Variants in CNTNAP3B observed in about 807,000 individuals in gnomAD.
The protein encoded by CNTNAP3B is contactin associated protein family member 3B.
CNTNAP3B carries 25 observed loss-of-function variants against 108.9 expected under a neutral mutation model. The observed-to-expected ratio is 0.23, with a 90% CI of 0.17 to 0.32. The LOEUF (loss-of-function observed/expected upper bound fraction) is 0.32, where lower values mean the gene tolerates loss of function less well. Ranked by LOEUF, CNTNAP3B falls within the 10% of genes least tolerant of loss-of-function variation. The probability of loss-of-function intolerance (pLI) is 1.00; values close to 1 mark genes in which losing one functional copy is unlikely to be tolerated. For synonymous variants in CNTNAP3B, 103 were observed against 473.4 expected (o/e 0.22, Z 10.16); for missense variants, 252 against 1,210.4 (o/e 0.21, Z 11.75).
chr9:42,080,603 C>T (rs1224376803), intron 2 of CNTNAP3B, among the ~76,000 whole-genome samples: 2 of 131,952 alleles, frequency 1.5e-5, no homozygotes, highest in African/African-American at 6.1e-5. Flanking sequence ...TGGCTGACTC[C>T]ACCCCCAACT....
rs557005665 is a variant in CNTNAP3B at position 42,095,317 on chromosome 9, A to G, written c.196+9312T>C. On this transcript the variant is annotated intron_variant, in intron 2 of 23. Coordinates refer to ENST00000377561, the MANE Select transcript of CNTNAP3B (RefSeq NM_001201380.3). ...TATTTCACTTAACATAATGTCCTCCAGGTTCATCCATGTTATCACAAGTGT... is the reference window on the plus strand; with the variant it reads ...TATTTCACTTAACATAATGTCCTCCGGGTTCATCCATGTTATCACAAGTGT... Among the ~76,000 whole-genome samples, 161 of 138,046 alleles carry G rather than the reference A, an allele frequency of 1.2e-3. 43 individuals carry two copies. Among genetic ancestry groups the G allele is most frequent in the African/African-American group, 4.3e-3 (149 of 34,430 alleles). The allele number at this position is 138,046 out of a possible 152,430, so 90.6% of individuals were successfully genotyped here.
In CNTNAP3B at chr9:42,087,113, T is replaced by C. The variant is rs937483635; in HGVS notation, c.197-10051A>G. Reference sequence around the variant, plus strand: ...TCTTTTCTTAATTTGATAATCAGATTGTTACTACTACATAAAAAAGAATTG... The same window carrying C: ...TCTTTTCTTAATTTGATAATCAGATCGTTACTACTACATAAAAAAGAATTG... On this transcript the variant is annotated intron_variant, in intron 2 of 23. Transcript: ENST00000377561. Among the ~76,000 whole-genome samples the C allele has an allele frequency of 2.2e-4, 31 of 142,382 alleles. 1 individual carries two copies. The highest frequency in any genetic ancestry group is 8.1e-4 in the African/African-American group (30 of 37,084). 93.4% of individuals were successfully genotyped at this position (142,382 alleles called of 152,430 possible). A position where few individuals can be genotyped will look rare whatever the true frequency, so the allele number is the denominator to read the frequency against.
intron 3 of CNTNAP3B, among the ~76,000 whole-genome samples, chr9:42,055,376 C>A (rs568156536): frequency 7.1e-6 from 1 of 140,240 alleles, no homozygotes; most frequent in South Asian, 2.2e-4. Context: ...AGAAAAATAT[C>A]TTGAAGTTCA....
intron 14 of CNTNAP3B, among the ~76,000 whole-genome samples, chr9:41,933,496 T>G (rs1246343849): frequency 6.6e-6 from 1 of 152,270 alleles, no homozygotes; most frequent in Non-Finnish European, 1.5e-5. Context: ...ATAAAAGTAC[T>G]GCAGTTATTC....
At chr9:41,934,126 C>CATATATATATAT (rs1824074627) in intron 14 of CNTNAP3B, among the ~76,000 whole-genome samples, 5 of 22,282 alleles carry the variant, frequency 2.2e-4, no homozygotes, top group Non-Finnish European at 4.2e-4. Flanking sequence ...TATATATACA[C>CATATATATATAT]ACACATATAT....
chr9:42,089,530 C>T (rs1827773818), intron 2 of CNTNAP3B, among the ~76,000 whole-genome samples: 1 of 145,642 alleles, frequency 6.9e-6, no homozygotes, highest in African/African-American at 2.6e-5. Flanking sequence ...TGATTTTAAA[C>T]TATGGTGCCA....
chr9:41,968,906 C>T (rs1483039865), intron 10 of CNTNAP3B, among the ~76,000 whole-genome samples: 1 of 152,100 alleles, frequency 6.6e-6, no homozygotes, highest in East Asian at 1.9e-4. Flanking sequence ...ACGCCATTCT[C>T]CTGCCTCAGC....
At chr9:42,113,747 A>G (rs1197464775) in intron 1 of CNTNAP3B, among the ~76,000 whole-genome samples, 1 of 139,476 alleles carries the variant, frequency 7.2e-6, no homozygotes, top group Non-Finnish European at 1.5e-5. Flanking sequence ...AGAGGTGACT[A>G]TAGTCAATAA....
intron 17 of CNTNAP3B, among the ~76,000 whole-genome samples, chr9:41,920,636 C>T (rs1823641968): frequency 2.0e-5 from 3 of 152,302 alleles, no homozygotes; most frequent in Admixed American, 2.0e-4. Context: ...CCACATCAAA[C>T]ACTATTTTAC....
Position 42,086,394 on chromosome 9 carries a change from AT to A in CNTNAP3B, c.197-9333del, listed in dbSNP as rs1372843923. 1.1e-3 allele frequency among the ~76,000 whole-genome samples: 151 copies of A among 135,738 alleles called. 5 individuals are homozygous for A. The highest frequency in any genetic ancestry group is 4.3e-3 in the African/African-American group (149 of 34,324). 89.0% of individuals were successfully genotyped at this position (135,738 alleles called of 152,430 possible). The stretch of plus-strand genomic sequence containing the variant: ...TGTTGCTATGAATATATATATATAT[AT>A]AAATTTTTTTTACATTTTTTACATT... On this transcript the variant is annotated intron_variant, in intron 2 of 23. Transcript: ENST00000377561.
At chr9:41,913,607 C>T (rs971258646) in intron 18 of CNTNAP3B, among the ~76,000 whole-genome samples, 2 of 140,796 alleles carry the variant, frequency 1.4e-5, no homozygotes, top group Non-Finnish European at 3.1e-5. Flanking sequence ...CAATTATCAC[C>T]TCTTTTGATA....
At chr9:41,928,712 A>G (rs1352587558) in intron 15 of CNTNAP3B, among the ~76,000 whole-genome samples, 3 of 150,884 alleles carry the variant, frequency 2.0e-5, no homozygotes, top group East Asian at 1.9e-4. Context: ...GGTAAGAAAC[A>G]CTATTACAAT....
At chr9:41,925,334 C>T (rs1328244486) in intron 15 of CNTNAP3B, among the ~76,000 whole-genome samples, 3 of 152,264 alleles carry the variant, frequency 2.0e-5, no homozygotes, top group East Asian at 1.9e-4. Context: ...TGGCTCACGC[C>T]TGTAATCCCA....
chr9:41,927,587 T>A (rs1438674022), intron 15 of CNTNAP3B, among the ~76,000 whole-genome samples: 13 of 148,888 alleles, frequency 8.7e-5, no homozygotes, highest in Admixed American at 2.7e-4. Context: ...CTGAATGGGA[T>A]GGAGGAAGGA....
intron 13 of CNTNAP3B, among the ~76,000 whole-genome samples, chr9:41,952,396 T>C (rs936695455): frequency 1.3e-5 from 2 of 152,204 alleles, no homozygotes; most frequent in Admixed American, 6.5e-5. Flanking sequence ...CTATATACTA[T>C]TTGGGATTGC....
chr9:41,963,015 C>T (rs1243640508), intron 11 of CNTNAP3B, among the ~76,000 whole-genome samples: 1 of 152,162 alleles, frequency 6.6e-6, no homozygotes, highest in African/African-American at 2.4e-5. Context: ...TAAACAGGGA[C>T]CCTTCTAGTA....
intron 13 of CNTNAP3B, among the ~76,000 whole-genome samples, chr9:41,943,439 G>A (rs1226008767): frequency 1.0e-4 from 15 of 145,788 alleles, no homozygotes; most frequent in South Asian, 8.8e-4. Flanking sequence ...TGCAAGCTCC[G>A]CCTCCTGGGT....
intron 14 of CNTNAP3B, among the ~76,000 whole-genome samples, chr9:41,931,144 G>T (rs1396263367): frequency 2.6e-5 from 4 of 152,278 alleles, no homozygotes; most frequent in Non-Finnish European, 4.4e-5. Flanking sequence ...TTTCATCATT[G>T]CAACACTTTT....
chr9:41,958,068 T>A (rs62557295), intron 12 of CNTNAP3B, among the ~76,000 whole-genome samples: 1,480 of 151,700 alleles, frequency 9.8e-3, no homozygotes, highest in South Asian at 0.038. Context: ...TTTTAATGCT[T>A]GCTCTGTCTC....
Sources: allele counts gnomAD v4.1 joint callset (sites outside exome capture counted in the v4.1 genomes callset), GRCh38; gene constraint gnomAD v4.1.1; transcripts MANE v1.5; gene names NCBI Gene and HGNC (gene_info 2026-07-23, HGNC 2026-07-21).